ANKRD26: variants seen among roughly 807,000 people sequenced by gnomAD.
The protein encoded by ANKRD26 is ankyrin repeat domain-containing protein 26.
In ANKRD26, 141 loss-of-function variants were observed where a neutral mutation model predicts 208.7. The ratio of observed to expected loss-of-function variants is 0.68; its 90% CI spans 0.59 to 0.78. The LOEUF is 0.78. ANKRD26 is among the 30% of genes least tolerant of loss of function. The pLI, the probability that ANKRD26 is intolerant of heterozygous loss-of-function variation, is 0.00. For synonymous variants in ANKRD26, 636 were observed against 660.4 expected (o/e 0.96, Z 0.57); for missense variants, 1,889 against 1,938.7 (o/e 0.97, Z 0.48).
At position 27,069,222 on chromosome 10, in the gene ANKRD26, A is replaced by G. The variant is rs977953550; in HGVS notation, c.1078-1936T>C. Among the ~76,000 whole-genome samples the G allele has an allele frequency of 1.4e-4, 21 of 147,094 alleles. No individual in the cohort carries two copies. In the East Asian group the frequency reaches 3.1e-3, roughly 22 times the overall value. On this transcript the variant is annotated intron_variant, in intron 9 of 33. Coordinates refer to ENST00000376087, the MANE Select transcript of ANKRD26 (RefSeq NM_014915.3). ...AAAAAAAAAAAAAAAAAAAAAAAAA[A>G]GGATATGAGAAATGATAAGCAGGTA...
chr10:27,056,687 G>A (rs2054851320), intron 15 of ANKRD26, among the ~76,000 whole-genome samples: 1 of 152,026 alleles, frequency 6.6e-6, no homozygotes, highest in Non-Finnish European at 1.5e-5. Flanking sequence ...TGAGGAAGGA[G>A]AATCGCTTGA....
intron 4 of ANKRD26, among the ~76,000 whole-genome samples, chr10:26,996,430 C>G (rs1026912078): frequency 6.6e-6 from 1 of 152,086 alleles, no homozygotes; most frequent in Non-Finnish European, 1.5e-5. Flanking sequence ...CGTGGTGGCT[C>G]ATGCCTGTAA....
intron 9 of ANKRD26, among the ~76,000 whole-genome samples, chr10:27,068,720 A>G (rs530383121): frequency 3.9e-4 from 60 of 152,268 alleles, no homozygotes; most frequent in Non-Finnish European, 6.3e-4. Context: ...CATCACAGAT[A>G]CATTTCAGAA....
chr10:27,004,251 T>C lies in ANKRD26; in HGVS notation c.*1339A>G, dbSNP rs1393991750. 1.3e-5 allele frequency: 2 copies of C among 152,172 alleles called. No individual in the cohort carries two copies. The highest frequency in any genetic ancestry group is 3.8e-4 in the East Asian group (2 of 5,200). The allele number at this position is 152,172 out of a possible 1,614,324, so 9.4% of individuals were successfully genotyped here. A position where few individuals can be genotyped will look rare whatever the true frequency, so the allele number is the denominator to read the frequency against. ...TGGGGAATAATATCCAAAAATTATT[T>C]GTACTACCTCTTATAATCTTTCTGT... On this transcript the variant is annotated 3_prime_UTR_variant, in exon 34 of 34. Coordinates refer to ENST00000376087, the MANE Select transcript of ANKRD26 (RefSeq NM_014915.3).
Position 27,061,218 on chromosome 10 carries a change from A to G in ANKRD26, c.1388T>C (p.Met463Thr), listed in dbSNP as rs2055043420. The G allele has an allele frequency of 6.2e-7, 1 of 1,608,524 alleles. No homozygotes were observed. The highest frequency in any genetic ancestry group is 8.5e-7 in the Non-Finnish European group (1 of 1,175,404). The change falls in exon 13 of 34, where the codon ATG becomes ACG. Residue 463 changes from methionine (M) to threonine (T), a missense_variant. Around this residue, in one of 3 missense-constraint regions of ANKRD26, gnomAD observed 1,272 missense variants for 1,273.8 expected, o/e 1.00. Coordinates refer to ENST00000376087, the MANE Select transcript of ANKRD26 (RefSeq NM_014915.3). ...AEDVFYIPSCMSGSRNFKMAK... is the reference protein window; with the variant it reads ...AEDVFYIPSCTSGSRNFKMAK... ...CATCTTAAAGTTTCTTGATCCACTC[A>G]TGCAAGAAGGTATATAAAACACATC... is the stretch of plus-strand genomic sequence containing the variant.
chr10:27,000,336 T>C (rs1228862314), downstream of ANKRD26, among the ~76,000 whole-genome samples: 1 of 152,230 alleles, frequency 6.6e-6, no homozygotes, highest in African/African-American at 2.4e-5. Flanking sequence ...TACATACTTA[T>C]TGAAAAATAT....
chr10:27,043,151 T>A (rs1423503186), intron 20 of ANKRD26, among the ~76,000 whole-genome samples: 11 of 110,528 alleles, frequency 1.0e-4, no homozygotes, highest in South Asian at 2.8e-4. Context: ...AAATGAAAAG[T>A]CAACAAAAAA....
chr10:27,081,474 G>A (rs2055902085), intron 6 of ANKRD26, among the ~76,000 whole-genome samples: 1 of 152,116 alleles, frequency 6.6e-6, no homozygotes, highest in African/African-American at 2.4e-5. Flanking sequence ...TCTGAAATTA[G>A]TTTGAATATC....
intron 27 of ANKRD26, 139 bp downstream of exon 27, chr10:27,028,713 C>G (rs904562863): frequency 7.2e-6 from 5 of 692,912 alleles, no homozygotes; most frequent in Non-Finnish European, 9.9e-6. Flanking sequence ...TATGTATGTA[C>G]AAATATTCCA....
Position 27,100,413 on chromosome 10 carries a change from G to T in ANKRD26, c.-87C>A. Reference sequence around the variant, plus strand: ...AGCCCAACATAACAAGTCAGCCCCGGCTGGCCGCAGCCTCCCAAAGGAAAC... The same window carrying T: ...AGCCCAACATAACAAGTCAGCCCCGTCTGGCCGCAGCCTCCCAAAGGAAAC... On this transcript the variant is annotated 5_prime_UTR_variant, in exon 1 of 34. Transcript: ENST00000376087. 6.4e-7 allele frequency: 1 copy of T among 1,559,994 alleles called. No homozygotes were observed. The highest frequency in any genetic ancestry group is 8.6e-7 in the Non-Finnish European group (1 of 1,161,678).
At chr10:26,949,474 C>T in the ANKRD26 span, among the ~76,000 whole-genome samples, 10 of 151,672 alleles carry the variant, frequency 6.6e-5, no homozygotes, top group African/African-American at 2.4e-4. Flanking sequence ...TAATTATCAT[C>T]ATTATCTTAT....
chr10:26,971,378 GT>G (rs1589155552), downstream of ANKRD26, among the ~76,000 whole-genome samples: 1 of 150,860 alleles, frequency 6.6e-6, no homozygotes, highest in Non-Finnish European at 1.5e-5. Context: ...GTGAAACCTT[GT>G]CTCAAAAAAA....
chr10:27,035,462 C>G lies in ANKRD26; in HGVS notation c.2988G>C (p.Lys996Asn). The G allele has an allele frequency of 6.2e-7, 1 of 1,613,978 alleles. No homozygotes were observed. The highest frequency in any genetic ancestry group is 8.5e-7 in the Non-Finnish European group (1 of 1,179,932). Residue 996 changes from lysine (K) to asparagine (N), a missense_variant, in exon 24 of 34, where the codon AAG becomes AAC. By Grantham distance (94) the Lys-to-Asn change is moderately conservative (BLOSUM62 0). Transcript: ENST00000376087. Reference protein sequence around the residue: ...AMLNSKLENEKQSKERLEAEV... With the variant: ...AMLNSKLENENQSKERLEAEV... The stretch of plus-strand genomic sequence containing the variant: ...CTGCTTCCAGTCTTTCCTTGCTTTG[C>G]TTTTCATTCTCCAGTTTAGAATTTA...
chr10:26,976,368 C>T (rs186400046), intron 5 of ANKRD26, among the ~76,000 whole-genome samples: 69 of 152,266 alleles, frequency 4.5e-4, no homozygotes, highest in African/African-American at 1.4e-3. Flanking sequence ...GTGCCCACCA[C>T]CACGCCTGGC....
At chr10:27,099,038 T>C (rs1004982409) in intron 1 of ANKRD26, among the ~76,000 whole-genome samples, 7 of 152,172 alleles carry the variant, frequency 4.6e-5, no homozygotes, top group African/African-American at 1.4e-4. Context: ...TTGCCCAGGC[T>C]GGAGTGCAAT....
At chr10:27,080,827 A>G in intron 6 of ANKRD26, 1 of 985,474 alleles carries the variant, frequency 1.0e-6, no homozygotes, top group Non-Finnish European at 1.2e-6. Context: ...AGGCATGTTA[A>G]CAACTACCCA....
chr10:26,999,020 A>G (rs981991294), intron 4 of ANKRD26, among the ~76,000 whole-genome samples: 2 of 152,342 alleles, frequency 1.3e-5, no homozygotes, highest in Non-Finnish European at 2.9e-5. Context: ...ATAAAGCACT[A>G]GAGGGTTCTC....
intron 32 of ANKRD26, among the ~76,000 whole-genome samples, chr10:27,011,395 G>A (rs1022577253): frequency 1.1e-4 from 16 of 152,136 alleles, no homozygotes; most frequent in Admixed American, 7.9e-4. Flanking sequence ...AGCCTCCCAA[G>A]TAGCTGGGAT....
chr10:27,086,208 T>G (rs1172258919), intron 5 of ANKRD26, among the ~76,000 whole-genome samples: 1 of 152,138 alleles, frequency 6.6e-6, no homozygotes, highest in Non-Finnish European at 1.5e-5. Context: ...TTATAACAAG[T>G]CTAGTTCATT....
Sources: gnomAD v4.1 joint callset for allele counts (sites outside exome capture counted in the v4.1 genomes callset) on GRCh38, gnomAD v4.1.1 for gene constraint, gnomAD v4.1.1 regional missense constraint, MANE v1.5 for transcripts, NCBI Gene and HGNC (gene_info 2026-07-23, HGNC 2026-07-21) for gene names.